The following CRPPA variants were observed in gnomAD, a reference collection of about 807,000 sequenced individuals.
CRPPA encodes the protein D-ribitol-5-phosphate cytidylyltransferase.
In CRPPA, 43 loss-of-function variants were observed where a neutral mutation model predicts 52.0. The observed-to-expected ratio is 0.83, with a 90% CI of 0.65 to 1.07. The LOEUF (loss-of-function observed/expected upper bound fraction) is 1.07. CRPPA is among the 50% of genes least tolerant of loss of function. The pLI is 0.00. For synonymous variants in CRPPA, 250 were observed against 203.5 expected, an observed-to-expected ratio of 1.23 and a Z score of -1.94; for missense variants, 629 against 551.7, an observed-to-expected ratio of 1.14 and a Z score of -1.40.
rs751232682 is a variant in CRPPA at position 16,239,559 on chromosome 7, C to CAAAAAAAA, written c.1119+18823_1119+18830dup. Reference sequence around the variant, plus strand: ...CCATTATTTAAATAGAAGTCAATAGCAAAAAAAAAAAAAAAAAAAAAAAAA... The same window carrying CAAAAAAAA: ...CCATTATTTAAATAGAAGTCAATAGCAAAAAAAAAAAAAAAAAAAAAAAAAAAAAAAAA... On this transcript the variant is annotated intron_variant, in intron 8 of 9. Transcript: ENST00000407010. Among the ~76,000 whole-genome samples, 130 of 47,474 alleles carry CAAAAAAAA rather than the reference C, an allele frequency of 2.7e-3. 3 individuals are homozygous for CAAAAAAAA. The highest frequency in any genetic ancestry group is 6.1e-3 in the East Asian group (7 of 1,156). 31.1% of individuals were successfully genotyped at this position (47,474 alleles called of 152,430 possible).
intron 8 of CRPPA, among the ~76,000 whole-genome samples, chr7:16,229,924 GT>G (rs138746391): frequency 0.019 from 2,907 of 151,718 alleles, 81 homozygotes; most frequent in African/African-American, 0.066. Flanking sequence ...TTGGCTGACA[GT>G]TTTTTTTCCC....
intron 9 of CRPPA, among the ~76,000 whole-genome samples, chr7:16,103,355 A>G (rs1782087602): frequency 6.6e-6 from 1 of 152,120 alleles, no homozygotes; most frequent in South Asian, 2.1e-4. Context: ...CCTAATATAG[A>G]TGACGGGTTG....
At chr7:16,345,353 G>A (rs981907281) in intron 3 of CRPPA, among the ~76,000 whole-genome samples, 3 of 152,000 alleles carry the variant, frequency 2.0e-5, no homozygotes, top group East Asian at 1.9e-4. Flanking sequence ...AATACCAAAC[G>A]GAATACTTGA....
intron 2 of CRPPA, among the ~76,000 whole-genome samples, chr7:16,386,383 G>A (rs1392328214): frequency 6.6e-6 from 1 of 152,172 alleles, no homozygotes; most frequent in East Asian, 1.9e-4. Flanking sequence ...AGGTGTGGCA[G>A]GCCAAAAGGC....
chr7:16,120,611 C>T (rs944871193), intron 9 of CRPPA, among the ~76,000 whole-genome samples: 4 of 152,116 alleles, frequency 2.6e-5, no homozygotes, highest in Admixed American at 1.3e-4. Flanking sequence ...ACTGGCTCCT[C>T]GTCTTGTTCC....
At chr7:16,302,590 T>C (rs1194409196) in intron 4 of CRPPA, among the ~76,000 whole-genome samples, 1 of 152,172 alleles carries the variant, frequency 6.6e-6, no homozygotes, top group Non-Finnish European at 1.5e-5. Flanking sequence ...AAAACCCACT[T>C]TGAGAAATTC....
chr7:16,329,129 T>G (rs1252529511), intron 3 of CRPPA, among the ~76,000 whole-genome samples: 1 of 150,934 alleles, frequency 6.6e-6, no homozygotes, highest in Non-Finnish European at 1.5e-5. Context: ...TTGGGGATTT[T>G]TCCATAGGCA....
chr7:16,258,327 T>G (rs1783699227), intron 8 of CRPPA, 63 bp downstream of exon 8: 1 of 1,024,636 alleles, frequency 9.8e-7, no homozygotes, highest in South Asian at 1.5e-5. Flanking sequence ...TTTAAAAATA[T>G]GTACATTGAG....
chr7:16,124,509 T>C (rs1782538314), intron 9 of CRPPA, among the ~76,000 whole-genome samples: 1 of 152,158 alleles, frequency 6.6e-6, no homozygotes, highest in Admixed American at 6.5e-5. Context: ...TTCTCACTCA[T>C]ATGTGGAAGC....
intron 9 of CRPPA, among the ~76,000 whole-genome samples, chr7:16,115,784 G>C (rs550314491): frequency 6.6e-6 from 1 of 152,142 alleles, no homozygotes; most frequent in Non-Finnish European, 1.5e-5. Context: ...ACCACATGTG[G>C]GAAAACTGGA....
intron 8 of CRPPA, among the ~76,000 whole-genome samples, chr7:16,248,518 A>G (rs1291478323): frequency 6.6e-6 from 1 of 152,186 alleles, no homozygotes; most frequent in African/African-American, 2.4e-5. Context: ...CTTCTGTGAT[A>G]TATCTGATAG....
chr7:16,374,371 CT>C (rs1185748785), intron 3 of CRPPA, among the ~76,000 whole-genome samples: 185 of 152,242 alleles, frequency 1.2e-3, no homozygotes, highest in African/African-American at 4.0e-3. Context: ...ACTTTTGAGG[CT>C]TTTGGACTTG....
intron 9 of CRPPA, among the ~76,000 whole-genome samples, chr7:16,170,697 G>C (rs960510909): frequency 1.3e-5 from 2 of 152,218 alleles, no homozygotes; most frequent in Admixed American, 1.3e-4. Context: ...CATGGGCATG[G>C]TGGGCTGCAG....
chr7:16,240,075 C>T (rs557203930), intron 8 of CRPPA, among the ~76,000 whole-genome samples: 1 of 151,910 alleles, frequency 6.6e-6, no homozygotes, highest in Admixed American at 6.6e-5. Flanking sequence ...ATAACACAAA[C>T]TTTCCATTAA....
chr7:16,390,597 A>C (rs1787415668), intron 2 of CRPPA, among the ~76,000 whole-genome samples: 1 of 152,164 alleles, frequency 6.6e-6, no homozygotes, highest in South Asian at 2.1e-4. Context: ...TCAGACTGTA[A>C]ATGGTAAAGT....
chr7:16,185,456 C>A (rs2128388845), intron 9 of CRPPA, among the ~76,000 whole-genome samples: 1 of 152,240 alleles, frequency 6.6e-6, no homozygotes, highest in South Asian at 2.1e-4. Context: ...TACTAACCCA[C>A]ACCATCATGT....
intron 9 of CRPPA, among the ~76,000 whole-genome samples, chr7:16,115,535 T>TTA (rs1782352880): frequency 6.6e-6 from 1 of 152,192 alleles, no homozygotes; most frequent in African/African-American, 2.4e-5. Flanking sequence ...TTGAAAGGGC[T>TTA]TACAAATTGT....
intron 9 of CRPPA, among the ~76,000 whole-genome samples, chr7:16,207,575 A>G (rs926726094): frequency 1.3e-5 from 2 of 152,246 alleles, no homozygotes; most frequent in Non-Finnish European, 2.9e-5. Flanking sequence ...TTATTCAAGG[A>G]AAGTCTACAT....
At chr7:16,208,703 G>A (rs1782033850) in intron 9 of CRPPA, among the ~76,000 whole-genome samples, 1 of 152,200 alleles carries the variant, frequency 6.6e-6, no homozygotes, top group South Asian at 2.1e-4. Context: ...GAACAAGGTA[G>A]AGAATAAGTG....
Sources: allele counts gnomAD v4.1 joint callset (sites outside exome capture counted in the v4.1 genomes callset), GRCh38; gene constraint gnomAD v4.1.1; transcripts MANE v1.5; gene names NCBI Gene and HGNC (gene_info 2026-07-23, HGNC 2026-07-21).